Variants in GGT7 observed in about 807,000 individuals in gnomAD.
GGT7 encodes gamma-glutamyltransferase 7, also known as glutathione hydrolase 7.
A neutral mutation model predicts 69.2 loss-of-function variants in GGT7; 30 were observed. That is an observed-to-expected ratio of 0.43 (90% CI 0.32 to 0.59). The LOEUF (loss-of-function observed/expected upper bound fraction) is 0.59, where lower values mean the gene tolerates loss of function less well. Among genes scored for constraint, GGT7 ranks in the 20% least tolerant of loss-of-function variants. The probability of loss-of-function intolerance (pLI) is 0.05; values close to 1 mark genes in which losing one functional copy is unlikely to be tolerated. For synonymous variants in GGT7, 388 were observed against 391.8 expected (o/e 0.99, Z 0.12); for missense variants, 733 against 901.1 (o/e 0.81, Z 2.39).
rs770432511 is a variant in GGT7 at position 34,859,494 on chromosome 20, G to A, written c.963C>T (p.Gly321=). ...AEVLDVLGTS[G]PAAFYAGGNL... is the part of the protein sequence containing the mutation. ...TGCCACCTGCGTAGAAGGCAGCCGG[G>A]CCGGAGGTGCCAAGTACATCCAGCA... is the stretch of plus-strand genomic sequence containing the variant. Residue 321 remains glycine, a synonymous_variant, in exon 7 of 15, where the codon GGC becomes GGT. Coordinates refer to ENST00000336431, the MANE Select transcript of GGT7 (RefSeq NM_178026.3). 6.2e-7 allele frequency: 1 copy of A among 1,606,900 alleles called. No individual in the cohort carries two copies. The highest frequency in any genetic ancestry group is 8.5e-7 in the Non-Finnish European group (1 of 1,174,516).
chr20:34,850,803 G>A, intron 13 of GGT7: 1 of 522,408 alleles, frequency 1.9e-6, no homozygotes, highest in Non-Finnish European at 3.8e-6. Context: ...ATAGGTGCCT[G>A]GCATATATAT....
chr20:34,863,736 AAG>A lies in GGT7; in HGVS notation c.170-190_170-189del, dbSNP rs2079642357. The A allele has an allele frequency of 5.6e-6, 4 of 716,114 alleles. No individual in the cohort carries two copies. Among genetic ancestry groups the A allele is most frequent in the East Asian group, 5.4e-5 (2 of 37,196 alleles). The allele number at this position is 716,114 out of a possible 1,614,324, so 44.4% of individuals were successfully genotyped here. A position where few individuals can be genotyped will look rare whatever the true frequency, so the allele number is the denominator to read the frequency against. On this transcript the variant is annotated intron_variant, in intron 1 of 14. Transcript: ENST00000336431. The surrounding 1 kb of genome is among the most constrained non-coding windows in gnomAD (Gnocchi z 4.4). The stretch of plus-strand genomic sequence containing the variant: ...GGCGGGGCAACGGTGCCCGGCTAGG[AAG>A]AGACAGGGACCTCCCCAGCTGGGCA...
At chr20:34,872,444 C>T (rs2079795530) in intron 1 of GGT7, 3 of 419,626 alleles carry the variant, frequency 7.1e-6, no homozygotes, top group Non-Finnish European at 1.3e-5. Flanking sequence ...AGCATCCTCT[C>T]CGTTGTCGCA....
intron 14 of GGT7, among the ~76,000 whole-genome samples, chr20:34,847,595 T>A (rs1370286282): frequency 6.6e-6 from 1 of 152,200 alleles, no homozygotes; most frequent in Non-Finnish European, 1.5e-5. Context: ...AAGGAACAAG[T>A]TTCAGTCTGC....
chr20:34,847,959 C>T (rs984143178), intron 14 of GGT7, among the ~76,000 whole-genome samples: 1 of 152,048 alleles, frequency 6.6e-6, no homozygotes, highest in African/African-American at 2.4e-5. Flanking sequence ...GGTGTGGTGG[C>T]ATGTGCACCT....
intron 3 of GGT7, among the ~76,000 whole-genome samples, chr20:34,862,140 A>G (rs2079606941): frequency 6.6e-6 from 1 of 152,166 alleles, no homozygotes; most frequent in Admixed American, 6.5e-5. Context: ...AGGACAGAGA[A>G]GAGGAAGTGG....
chr20:34,846,100 G>A (rs1015845170), intron 14 of GGT7, among the ~76,000 whole-genome samples: 7 of 151,466 alleles, frequency 4.6e-5, no homozygotes, highest in African/African-American at 1.5e-4. Flanking sequence ...AAGGAAGGAA[G>A]GGAGGGAGGG....
intron 10 of GGT7, among the ~76,000 whole-genome samples, chr20:34,853,189 C>G (rs912523357): frequency 6.6e-6 from 1 of 152,148 alleles, no homozygotes; most frequent in African/African-American, 2.4e-5. Flanking sequence ...AAATGATCCA[C>G]TCACCTCGGC....
At chr20:34,857,696 T>A (rs2079519045) in intron 7 of GGT7, among the ~76,000 whole-genome samples, 1 of 150,564 alleles carries the variant, frequency 6.6e-6, no homozygotes, top group South Asian at 2.1e-4. Flanking sequence ...TGGCTCACTG[T>A]AGCCTCAACC....
chr20:34,872,613 A>C, intron 1 of GGT7, 34 bp downstream of exon 1: 1 of 1,398,530 alleles, frequency 7.2e-7, no homozygotes, highest in Non-Finnish European at 9.3e-7. Flanking sequence ...GGGACTTCCC[A>C]AGGCAGGGCA....
intron 6 of GGT7, 118 bp downstream of exon 6, chr20:34,859,851 A>G: frequency 1.2e-6 from 1 of 820,342 alleles, no homozygotes; most frequent in South Asian, 1.6e-5. Flanking sequence ...TAAGGTGGGG[A>G]GGGGGTCTGA....
chr20:34,850,766 A>G (rs374491459), intron 13 of GGT7: 9 of 472,252 alleles, frequency 1.9e-5, no homozygotes, highest in Non-Finnish European at 3.0e-5. Flanking sequence ...TCCAGAACTT[A>G]AGATCGTTAA....
At chr20:34,847,899 C>T (rs763504204) in intron 14 of GGT7, among the ~76,000 whole-genome samples, 1 of 152,188 alleles carries the variant, frequency 6.6e-6, no homozygotes, top group African/African-American at 2.4e-5. Context: ...TGAGACTAGC[C>T]TGGCCAGCAT....
At chr20:34,846,176 C>T (rs1253101170) in intron 14 of GGT7, among the ~76,000 whole-genome samples, 2 of 152,052 alleles carry the variant, frequency 1.3e-5, no homozygotes, top group Non-Finnish European at 2.9e-5. Flanking sequence ...AGTCAAGCTG[C>T]CATCATTACT....
intron 5 of GGT7, 56 bp downstream of exon 5, chr20:34,860,198 C>T (rs956737987): frequency 7.5e-5 from 99 of 1,321,684 alleles, no homozygotes; most frequent in Middle Eastern, 3.6e-4. Context: ...TAGGAGAAGG[C>T]CACCCAAGGA....
In GGT7 at chr20:34,845,134, CA is replaced by C; in HGVS notation, c.*193del. ...CACTCACCACCACCACCACCACCAC[CA>C]CCACCACCACCACCACCACAGGCCT... On this transcript the variant is annotated 3_prime_UTR_variant, in exon 15 of 15. Coordinates refer to ENST00000336431, the MANE Select transcript of GGT7 (RefSeq NM_178026.3). 7 of 476,538 alleles carry C rather than the reference CA, an allele frequency of 1.5e-5. No individual in the cohort carries two copies. Among genetic ancestry groups the C allele is most frequent in the Non-Finnish European group, 1.2e-5 (3 of 259,150 alleles). 29.5% of individuals were successfully genotyped at this position (476,538 alleles called of 1,614,324 possible).
At chr20:34,858,750 G>A (rs565840642) in intron 7 of GGT7, among the ~76,000 whole-genome samples, 12 of 152,322 alleles carry the variant, frequency 7.9e-5, no homozygotes, top group Admixed American at 3.3e-4. Context: ...CAAAAGCAGG[G>A]AAGGATTGTG....
intron 14 of GGT7, among the ~76,000 whole-genome samples, chr20:34,848,294 G>C (rs2146880868): frequency 6.6e-6 from 1 of 152,226 alleles, no homozygotes; most frequent in East Asian, 1.9e-4. Context: ...TGTTCCTCCT[G>C]TCCAGAATGT....
rs10527077 is a variant in GGT7 at position 34,853,340 on chromosome 20, G to GGTGTGTGTGTGTGTGT, written c.1320-818_1320-803dup. On this transcript the variant is annotated intron_variant, in intron 10 of 14. Coordinates refer to ENST00000336431, the MANE Select transcript of GGT7 (RefSeq NM_178026.3). ...GAACTGGTTGAATAGATTTCATATA[G>GGTGTGTGTGTGTGTGT]GTGTGTGTGTGTGTGTGTGTGTGTG... Among the ~76,000 whole-genome samples, 211 of 147,412 alleles carry GGTGTGTGTGTGTGTGT rather than the reference G, an allele frequency of 1.4e-3. 1 individual carries two copies. The highest frequency in any genetic ancestry group is 5.1e-3 in the African/African-American group (204 of 40,092).
Sources: allele counts gnomAD v4.1 joint callset (sites outside exome capture counted in the v4.1 genomes callset), GRCh38; gene constraint gnomAD v4.1.1; non-coding constraint Gnocchi (gnomAD v3.1); transcripts MANE v1.5; gene names NCBI Gene and HGNC (gene_info 2026-07-23, HGNC 2026-07-21).